SLC38A6: variants seen among roughly 807,000 people sequenced by gnomAD.
The protein encoded by SLC38A6 is N system amino acid transporter NAT-1.
In SLC38A6, 73 loss-of-function variants were observed where a neutral mutation model predicts 65.0. The ratio of observed to expected loss-of-function variants is 1.12; its 90% confidence interval spans 0.93 to 1.37. The LOEUF is 1.37. SLC38A6 is among the 40% of genes most tolerant of loss of function. The pLI is 0.00. For missense variants in SLC38A6, 561 were observed against 531.1 expected (o/e 1.06, Z -0.55); for synonymous variants, 183 against 178.8 (o/e 1.02, Z -0.19).
chr14:61,030,288 TG>T (rs2040885302), intron 5 of SLC38A6, among the ~76,000 whole-genome samples, 156 bp from the exon 6 acceptor site: 2 of 151,954 alleles, frequency 1.3e-5, no homozygotes, highest in Non-Finnish European at 2.9e-5. Context: ...TGTGTGTGTG[TG>T]TGTGTGTGTG....
At chr14:61,045,569 G>A in intron 11 of SLC38A6, 144 bp downstream of exon 11, 1 of 623,320 alleles carries the variant, frequency 1.6e-6, no homozygotes, top group Non-Finnish European at 2.7e-6. Flanking sequence ...ACAAACAAGA[G>A]TTAGTTCTGT....
At chr14:61,023,588 A>T (rs1267832710) in intron 5 of SLC38A6, among the ~76,000 whole-genome samples, 1 of 23,354 alleles carries the variant, frequency 4.3e-5, no homozygotes, top group African/African-American at 6.5e-5. Flanking sequence ...TAATAATAAT[A>T]ATATATATAT....
intron 3 of SLC38A6, among the ~76,000 whole-genome samples, chr14:61,013,272 G>A (rs1181114544): frequency 6.6e-6 from 1 of 152,104 alleles, no homozygotes; most frequent in Non-Finnish European, 1.5e-5. Context: ...TTGAGCCTAT[G>A]TGTGTCTCTG....
At chr14:61,010,306 A>C (rs1238835962) in intron 3 of SLC38A6, among the ~76,000 whole-genome samples, 2 of 151,980 alleles carry the variant, frequency 1.3e-5, no homozygotes, top group Non-Finnish European at 2.9e-5. Flanking sequence ...AGGTTGCAAA[A>C]ATTTTCTCCC....
At chr14:61,030,642 A>G (rs2040921874) in intron 6 of SLC38A6, 119 bp downstream of exon 6, 1 of 655,104 alleles carries the variant, frequency 1.5e-6, no homozygotes, top group African/African-American at 1.8e-5. Flanking sequence ...TGCCCTCAAG[A>G]CAGTTACAAA....
chr14:61,069,147 ACTT>A (rs1425092385), intron 15 of SLC38A6, among the ~76,000 whole-genome samples: 1 of 152,130 alleles, frequency 6.6e-6, no homozygotes, highest in Non-Finnish European at 1.5e-5. Context: ...GCATCGATAA[ACTT>A]CTTAGAGCTT....
At chr14:61,051,345 G>A (rs1035944001) in intron 13 of SLC38A6, among the ~76,000 whole-genome samples, 1 of 152,124 alleles carries the variant, frequency 6.6e-6, no homozygotes, top group Non-Finnish European at 1.5e-5. Context: ...GGGAAGTGTA[G>A]TGAACTATTT....
At chr14:61,061,037 G>C (rs2042818773) in intron 15 of SLC38A6, among the ~76,000 whole-genome samples, 1 of 151,968 alleles carries the variant, frequency 6.6e-6, no homozygotes, top group African/African-American at 2.4e-5. Flanking sequence ...TCCCTAGTGA[G>C]AAGAACCCGG....
intron 15 of SLC38A6, among the ~76,000 whole-genome samples, chr14:61,070,016 C>T (rs2043175947): frequency 6.6e-6 from 1 of 152,168 alleles, no homozygotes; most frequent in Admixed American, 6.5e-5. Flanking sequence ...CTTCTCTTTA[C>T]TTAACATTAT....
chr14:61,055,307 C>T (rs1487135960), downstream of SLC38A6, among the ~76,000 whole-genome samples: 1 of 48,324 alleles, frequency 2.1e-5, no homozygotes, highest in Non-Finnish European at 4.3e-5. Flanking sequence ...GTGATATTCC[C>T]CTTCCTGTGT....
chr14:61,050,188 G>A (rs1295677891), intron 12 of SLC38A6, among the ~76,000 whole-genome samples: 4 of 152,156 alleles, frequency 2.6e-5, no homozygotes, highest in Non-Finnish European at 4.4e-5. Context: ...TCAACAACAC[G>A]TGTGAAAGCA....
chr14:61,027,169 G>T (rs1566671620), intron 5 of SLC38A6, among the ~76,000 whole-genome samples: 1 of 152,058 alleles, frequency 6.6e-6, no homozygotes, highest in Admixed American at 6.6e-5. Flanking sequence ...TCCCAGAGAA[G>T]TTTCTATTAA....
intron 13 of SLC38A6, 76 bp downstream of exon 13, chr14:61,050,712 G>C (rs764341330): frequency 7.1e-6 from 9 of 1,266,798 alleles, no homozygotes; most frequent in East Asian, 5.3e-5. Flanking sequence ...TTGCAGAATA[G>C]AATGTTTGAA....
chr14:61,010,682 C>T (rs2039492176), intron 3 of SLC38A6, among the ~76,000 whole-genome samples: 1 of 152,126 alleles, frequency 6.6e-6, no homozygotes, highest in Non-Finnish European at 1.5e-5. Context: ...TGTCAAAGTT[C>T]AGATAGTTGT....
intron 15 of SLC38A6, among the ~76,000 whole-genome samples, chr14:61,065,551 A>T (rs1039990610): frequency 6.6e-6 from 1 of 152,152 alleles, no homozygotes; most frequent in South Asian, 2.1e-4. Flanking sequence ...TTTTTCTCAT[A>T]TCCCTGGGGT....
Position 61,032,659 on chromosome 14 carries a change from AT to A in SLC38A6, c.482+2141del, listed in dbSNP as rs112592645. 8.5e-3 allele frequency among the ~76,000 whole-genome samples: 1,297 copies of A among 151,882 alleles called. 22 individuals carry two copies. Among genetic ancestry groups the A allele is most frequent in the African/African-American group, 0.03 (1,225 of 41,512 alleles). On this transcript the variant is annotated intron_variant, in intron 6 of 15. Coordinates refer to ENST00000267488, the MANE Select transcript of SLC38A6 (RefSeq NM_153811.3). Reference sequence around the variant, plus strand: ...TTTTAAATGTAATATATATTCATTTATTTTTGGCTAATTATATTAACTTACT... The same window carrying A: ...TTTTAAATGTAATATATATTCATTTATTTTGGCTAATTATATTAACTTACT...
At chr14:60,981,730 G>A (rs757414921) in intron 1 of SLC38A6, 19 of 1,304,294 alleles carry the variant, frequency 1.5e-5, no homozygotes, top group Admixed American at 2.3e-5. Context: ...CACCAGTCTC[G>A]TGAGGTCTTT....
intron 3 of SLC38A6, among the ~76,000 whole-genome samples, chr14:60,988,114 G>T (rs1222130826): frequency 6.6e-6 from 1 of 152,146 alleles, no homozygotes; most frequent in Non-Finnish European, 1.5e-5. Context: ...GAACATTTCT[G>T]TCTGTTTCTT....
chr14:61,061,023 G>T (rs181639225), intron 15 of SLC38A6, among the ~76,000 whole-genome samples: 238 of 151,884 alleles, frequency 1.6e-3, no homozygotes, highest in African/African-American at 5.3e-3. Flanking sequence ...CCACTGTCTG[G>T]CACTCCCTAG....
Sources: allele counts gnomAD v4.1 joint callset (sites outside exome capture counted in the v4.1 genomes callset), GRCh38; gene constraint gnomAD v4.1.1; transcripts MANE v1.5; gene names NCBI Gene and HGNC (gene_info 2026-07-23, HGNC 2026-07-21).